The following SUFU variants were observed in gnomAD, a reference collection of about 807,000 sequenced individuals.
SUFU encodes suppressor of fused homolog.
Under a neutral mutation model 58.9 loss-of-function variants are expected in SUFU, and 7 were observed. The ratio of observed to expected loss-of-function variants is 0.12; its 90% CI spans 0.07 to 0.22. The LOEUF (loss-of-function observed/expected upper bound fraction) is 0.22. Ranked by LOEUF, SUFU falls within the 10% of genes least tolerant of loss-of-function variation. SUFU has a pLI of 1.00. For missense variants in SUFU, 451 were observed against 641.3 expected (o/e 0.70, Z 3.20); for synonymous variants, 232 against 254.8 (o/e 0.91, Z 0.85).
In SUFU at chr10:102,577,084, T is replaced by C. The variant is rs1049259180; in HGVS notation, c.455-15498T>C. 6.8e-5 allele frequency among the ~76,000 whole-genome samples: 8 copies of C among 117,752 alleles called. 1 individual carries two copies. Among genetic ancestry groups the C allele is most frequent in the East Asian group, 2.6e-4 (1 of 3,846 alleles). The allele number at this position is 117,752 out of a possible 152,430, so 77.2% of individuals were successfully genotyped here. A position where few individuals can be genotyped will look rare whatever the true frequency, so the allele number is the denominator to read the frequency against. On this transcript the variant is annotated intron_variant, in intron 3 of 11. Transcript: ENST00000369902. ...GAAGCATGTCCTGGATTTTTTCTTTTCTTTTTTTTTTTTTTTTGAGATGGA... is the reference window on the plus strand; with the variant it reads ...GAAGCATGTCCTGGATTTTTTCTTTCCTTTTTTTTTTTTTTTTGAGATGGA...
intron 10 of SUFU, among the ~76,000 whole-genome samples, chr10:102,626,147 A>G (rs1055891694): frequency 2.0e-5 from 3 of 151,936 alleles, no homozygotes; most frequent in African/African-American, 7.3e-5. Context: ...GGGGACAAGG[A>G]CAGGGAGGGG....
Position 102,593,707 on chromosome 10 carries a change from G to A in SUFU, c.669G>A (p.Leu223=), listed in dbSNP as rs1432212427. Residue 223 remains leucine, a synonymous_variant, in exon 5 of 12, where the codon CTG becomes CTA. Transcript: ENST00000369902. The stretch of plus-strand genomic sequence containing the variant: ...ACGGGCAGGGCATCCTGGAGCTGCT[G>A]CGGACAGTGCCTATGTGAGTACCCA... ...QWNGQGILEL[L]RTVPIAGGPW... The A allele has an allele frequency of 1.2e-6, 2 of 1,614,212 alleles. No homozygotes were observed.
At chr10:102,551,867 G>T (rs2062921154) in intron 3 of SUFU, among the ~76,000 whole-genome samples, 1 of 150,484 alleles carries the variant, frequency 6.6e-6, no homozygotes, top group Non-Finnish European at 1.5e-5. Flanking sequence ...TGCGACTACA[G>T]GTGCCCGCCA....
intron 10 of SUFU, among the ~76,000 whole-genome samples, chr10:102,623,764 A>AC (rs2063762375): frequency 6.6e-6 from 1 of 152,118 alleles, no homozygotes; most frequent in South Asian, 2.1e-4. Flanking sequence ...ACATGGCAAA[A>AC]CCCCATCTCT....
At chr10:102,524,222 T>C (rs950688842) in intron 2 of SUFU, among the ~76,000 whole-genome samples, 2 of 152,172 alleles carry the variant, frequency 1.3e-5, no homozygotes, top group South Asian at 2.1e-4. Flanking sequence ...CCCAGGCTGG[T>C]CTCGGACTCC....
chr10:102,583,813 G>A (rs997384772), intron 3 of SUFU, among the ~76,000 whole-genome samples: 6 of 151,788 alleles, frequency 4.0e-5, no homozygotes, highest in Admixed American at 6.6e-5. Flanking sequence ...CGATTAACTC[G>A]TCATTTAACA....
intron 2 of SUFU, among the ~76,000 whole-genome samples, chr10:102,517,734 C>T (rs929294483): frequency 6.6e-6 from 1 of 152,168 alleles, no homozygotes; most frequent in Non-Finnish European, 1.5e-5. Context: ...CTGGTGGGAT[C>T]TTATCCTCTA....
chr10:102,573,257 CA>C (rs1256959271), intron 3 of SUFU: 1 of 661,112 alleles, frequency 1.5e-6, no homozygotes, highest in Non-Finnish European at 2.7e-6. Context: ...TTAATTAACA[CA>C]AAATCATCTA....
intron 2 of SUFU, among the ~76,000 whole-genome samples, chr10:102,517,038 G>A (rs1441557513): frequency 6.6e-6 from 1 of 150,822 alleles, no homozygotes; most frequent in Non-Finnish European, 1.5e-5. Context: ...CAGGAGAATC[G>A]CTTGAATCCA....
intron 2 of SUFU, among the ~76,000 whole-genome samples, chr10:102,518,463 TG>T (rs770092095): frequency 6.6e-6 from 1 of 152,128 alleles, no homozygotes; most frequent in South Asian, 2.1e-4. Flanking sequence ...AAGTGCTTTG[TG>T]GGGGGAAATG....
At chr10:102,616,295 A>T (rs1235962562) in intron 9 of SUFU, among the ~76,000 whole-genome samples, 1 of 152,170 alleles carries the variant, frequency 6.6e-6, no homozygotes, top group Non-Finnish European at 1.5e-5. Context: ...CTCCACCCAC[A>T]CTTTGAGCAG....
At chr10:102,559,647 C>T (rs993406614) in intron 3 of SUFU, among the ~76,000 whole-genome samples, 2 of 152,192 alleles carry the variant, frequency 1.3e-5, no homozygotes, top group Admixed American at 6.5e-5. Context: ...TTTCATTTTA[C>T]GATCAGTTTA....
intron 3 of SUFU, among the ~76,000 whole-genome samples, chr10:102,558,724 C>T (rs1250843166): frequency 1.3e-5 from 2 of 152,232 alleles, no homozygotes; most frequent in Admixed American, 6.5e-5. Flanking sequence ...AAGAATAGCA[C>T]GGCTTTGCAT....
intron 2 of SUFU, among the ~76,000 whole-genome samples, chr10:102,531,828 A>T (rs965363805): frequency 3.0e-4 from 45 of 152,124 alleles, no homozygotes. Flanking sequence ...TAGAGGAGAA[A>T]GTTGTGTTGA....
In SUFU at chr10:102,619,308, T is replaced by G; in HGVS notation, c.1296+1880T>G. On this transcript the variant is annotated intron_variant, in intron 10 of 11. Transcript: ENST00000369902. This position sits in a 1 kb window ranked among gnomAD's most constrained non-coding sequence, Gnocchi z 4.2. Reference sequence around the variant, plus strand: ...CAGTGCCACAACCCCCTCACCTCCCTGGCAGCCCCTCAGCGAGCCTGAGGC... The same window carrying G: ...CAGTGCCACAACCCCCTCACCTCCCGGGCAGCCCCTCAGCGAGCCTGAGGC... 1 of 1,432,454 alleles carries G rather than the reference T, an allele frequency of 7.0e-7. No individual in the cohort carries two copies. The highest frequency in any genetic ancestry group is 1.4e-5 in the African/African-American group (1 of 69,272). The allele number at this position is 1,432,454 out of a possible 1,614,324, so 88.7% of individuals were successfully genotyped here.
At chr10:102,527,234 C>T (rs1244033939) in intron 2 of SUFU, among the ~76,000 whole-genome samples, 5 of 151,838 alleles carry the variant, frequency 3.3e-5, no homozygotes, top group South Asian at 2.1e-4. Flanking sequence ...GATCTCCTGA[C>T]CTTGTGATCC....
chr10:102,597,369 G>A, intron 7 of SUFU, 76 bp downstream of exon 7: 1 of 1,528,408 alleles, frequency 6.5e-7, no homozygotes, highest in East Asian at 2.3e-5. Flanking sequence ...GTCTCTCTAG[G>A]ATGGGTCTCT....
intron 2 of SUFU, among the ~76,000 whole-genome samples, chr10:102,515,340 G>A (rs1301211449): frequency 5.9e-5 from 8 of 135,638 alleles, no homozygotes; most frequent in African/African-American, 1.9e-4. Flanking sequence ...TTTTTGAGAC[G>A]GAGTCTTGCT....
Position 102,593,418 on chromosome 10 carries a change from GGTCAGGCCTCAGGGCCC to G in SUFU, c.598-217_598-201del, listed in dbSNP as rs2063424457. ...GTCATCCAGACACAGCAAGGGCAAG[GGTCAGGCCTCAGGGCCC>G]ACATGTGGACCCAGCCATTTCCCAG... On this transcript the variant is annotated intron_variant, in intron 4 of 11. Coordinates refer to ENST00000369902, the MANE Select transcript of SUFU (RefSeq NM_016169.4). 1.3e-4 allele frequency among the ~76,000 whole-genome samples: 20 copies of G among 152,284 alleles called. No homozygotes were observed. In the South Asian group the frequency reaches 3.5e-3, roughly 27 times the overall value.
Sources: gnomAD v4.1 joint callset for allele counts (sites outside exome capture counted in the v4.1 genomes callset) on GRCh38, gnomAD v4.1.1 for gene constraint, Gnocchi (gnomAD v3.1) non-coding constraint, MANE v1.5 for transcripts, NCBI Gene and HGNC (gene_info 2026-07-23, HGNC 2026-07-21) for gene names.